MYO7B: variants seen among roughly 807,000 people sequenced by gnomAD.
MYO7B encodes myosin VIIB.
A neutral mutation model predicts 259.7 loss-of-function variants in MYO7B; 212 were observed. That is an observed-to-expected ratio of 0.82 (90% CI 0.73 to 0.91). The LOEUF (loss-of-function observed/expected upper bound fraction) is 0.91, where lower values mean the gene tolerates loss of function less well. Ranked by LOEUF, MYO7B falls within the 40% of genes least tolerant of loss-of-function variation. The pLI is 0.00. For synonymous variants in MYO7B, 1,197 were observed against 1,166.4 expected (o/e 1.03, Z -0.54); for missense variants, 2,732 against 2,813.5 (o/e 0.97, Z 0.66).
chr2:127,627,271 A>G lies in MYO7B; in HGVS notation c.4421A>G (p.Glu1474Gly), dbSNP rs780342415. 1.2e-6 allele frequency: 2 copies of G among 1,612,820 alleles called. No individual in the cohort carries two copies. The highest frequency in any genetic ancestry group is 1.7e-5 in the Admixed American group (1 of 59,920). The change falls in exon 33 of 48, where the codon GAA becomes GGA. Residue 1474 changes from glutamate to glycine, a missense_variant. Around this residue, in one of 3 missense-constraint regions of MYO7B, gnomAD observed 1,906 missense variants for 2,026.4 expected, o/e 0.94. Coordinates refer to ENST00000409816, the MANE Select transcript of MYO7B (RefSeq NM_001393586.1). This position sits in a 1 kb window ranked among gnomAD's most constrained non-coding sequence, Gnocchi z 5.6. ...FLDQQEKMLLELSFPEVMGLA... is the reference protein window; with the variant it reads ...FLDQQEKMLLGLSFPEVMGLA... ...GACCAGCAGGAGAAGATGCTGCTGGAACTCTCTTTCCCAGAGGTCATGGGT... is the reference window on the plus strand; with the variant it reads ...GACCAGCAGGAGAAGATGCTGCTGGGACTCTCTTTCCCAGAGGTCATGGGT...
At chr2:127,593,513 C>T in intron 17 of MYO7B, 33 bp from the exon 18 acceptor site, 2 of 1,600,348 alleles carry the variant, frequency 1.2e-6, no homozygotes, top group Non-Finnish European at 1.7e-6. Flanking sequence ...CTCTGCCCCA[C>T]CTCCCACCGA....
rs1252097316 is a variant in MYO7B at position 127,539,319 on chromosome 2, A to T, written c.-24+3488A>T. On this transcript the variant is annotated intron_variant, in intron 1 of 47. Transcript: ENST00000409816. The surrounding 1 kb of genome is among the most constrained non-coding windows in gnomAD (Gnocchi z 4.0). ...TAGTAAACAAAATGTACATCAGAAA[A>T]TCCCATATATTTGCTAGGCATAGAC... is the stretch of plus-strand genomic sequence containing the variant. Among the ~76,000 whole-genome samples, 1 of 152,220 alleles carries T rather than the reference A, an allele frequency of 6.6e-6. No homozygotes were observed. The highest frequency in any genetic ancestry group is 2.4e-5 in the African/African-American group (1 of 41,440).
chr2:127,612,750 T>A, intron 26 of MYO7B, 147 bp downstream of exon 26: 1 of 1,300,452 alleles, frequency 7.7e-7, no homozygotes, highest in Non-Finnish European at 1.0e-6. Context: ...GCAGATGTCA[T>A]AGCTACCGAG....
intron 14 of MYO7B, among the ~76,000 whole-genome samples, chr2:127,588,186 G>C (rs1469642717): frequency 6.6e-6 from 1 of 152,144 alleles, no homozygotes; most frequent in Non-Finnish European, 1.5e-5. Context: ...GGGGGGTCCA[G>C]AGTTTAGACA....
At chr2:127,543,805 C>T (rs990826927) in intron 1 of MYO7B, among the ~76,000 whole-genome samples, 5 of 150,508 alleles carry the variant, frequency 3.3e-5, no homozygotes, top group African/African-American at 7.3e-5. Flanking sequence ...AGTGCAGTGG[C>T]GCGATCTTGC....
At chr2:127,617,614 T>C (rs1055604871) in intron 26 of MYO7B, among the ~76,000 whole-genome samples, 36 of 146,288 alleles carry the variant, frequency 2.5e-4, no homozygotes, top group Non-Finnish European at 4.9e-4. Context: ...GCCATTCTCC[T>C]GCCTCAGCCT....
In MYO7B at chr2:127,607,992, A is replaced by G. The variant is rs896697648; in HGVS notation, c.2643+568A>G. On this transcript the variant is annotated intron_variant, in intron 21 of 47. Transcript: ENST00000409816. This position sits in a 1 kb window ranked among gnomAD's most constrained non-coding sequence, Gnocchi z 4.4. Reference sequence around the variant, plus strand: ...CAGCTCAGGGGACAGAGAAATATTAATACCAAGGGGAGCTGCTGAGTGTCT... The same window carrying G: ...CAGCTCAGGGGACAGAGAAATATTAGTACCAAGGGGAGCTGCTGAGTGTCT... Among the ~76,000 whole-genome samples, 20 of 152,140 alleles carry G rather than the reference A, an allele frequency of 1.3e-4. 1 individual carries two copies. Among genetic ancestry groups the G allele is most frequent in the African/African-American group, 4.8e-4 (20 of 41,424 alleles).
chr2:127,565,136 G>T (rs1277524254), intron 3 of MYO7B, 97 bp from the exon 4 acceptor site: 35 of 1,466,822 alleles, frequency 2.4e-5, no homozygotes, highest in Non-Finnish European at 3.1e-5. Context: ...TGACCCGGAA[G>T]GTCACCTTGC....
At chr2:127,581,012 CAG>C (rs1186868919) in intron 10 of MYO7B, among the ~76,000 whole-genome samples, 190 bp downstream of exon 10, 2 of 152,230 alleles carry the variant, frequency 1.3e-5, no homozygotes, top group Non-Finnish European at 2.9e-5. Flanking sequence ...CAGTGCCAAA[CAG>C]AGCGGCGGAA....
rs115516718 is a variant in MYO7B at position 127,566,753 on chromosome 2, G to A, written c.396G>A (p.Pro132=). 1,081 of 1,612,738 alleles carry A rather than the reference G, an allele frequency of 6.7e-4. 9 individuals carry two copies. The African/African-American group carries it at 0.012, about 18-fold the overall frequency. The change falls in exon 5 of 48, where the codon CCG becomes CCA. Residue 132 remains proline (P), a synonymous_variant. Coordinates refer to ENST00000409816, the MANE Select transcript of MYO7B (RefSeq NM_001393586.1). Reference sequence around the variant, plus strand: ...GCCGCCATATGGGCGAGCTGCCCCCGCATGTCTTTGCCATCGCCAACAACT... The same window carrying A: ...GCCGCCATATGGGCGAGCTGCCCCCACATGTCTTTGCCATCGCCAACAACT... ...YYSRHMGELP[P]HVFAIANNCY... is the part of the protein sequence containing the mutation.
In MYO7B at chr2:127,632,243, C is replaced by T. The variant is rs1353067363; in HGVS notation, c.5250-3C>T. 5 of 1,611,442 alleles carry T rather than the reference C, an allele frequency of 3.1e-6. No homozygotes were observed. The highest frequency in any genetic ancestry group is 4.2e-6 in the Non-Finnish European group (5 of 1,179,342). On this transcript the variant is annotated splice_polypyrimidine_tract_variant and splice_region_variant and intron_variant, in intron 38 of 47. Coordinates refer to ENST00000409816, the MANE Select transcript of MYO7B (RefSeq NM_001393586.1). ...TTCCCGGCTGACAAGTGCTACCCTT[C>T]AGGCACAGCGAAGAGCGGGGCTGGC... is the stretch of plus-strand genomic sequence containing the variant.
rs1293537857 is a variant in MYO7B, at chr2:127,607,271, G to C, written c.2490G>C (p.Gln830His). ...GCCAGCCGCTGGCGAGGCAGTACCA[G>C]GCCATGCGGCAGAGGACAGTCCAGC... Reference protein sequence around the residue: ...ARSQPLARQYQAMRQRTVQLQ... With the variant: ...ARSQPLARQYHAMRQRTVQLQ... Residue 830 changes from glutamine (Q) to histidine (H), a missense_variant, in exon 21 of 48, where the codon CAG becomes CAC. Transcript: ENST00000409816. The surrounding 1 kb of genome is among the most constrained non-coding windows in gnomAD (Gnocchi z 4.4). 6 of 1,551,302 alleles carry C rather than the reference G, an allele frequency of 3.9e-6. No homozygotes were observed. Among genetic ancestry groups the C allele is most frequent in the Admixed American group, 2.0e-5 (1 of 51,044 alleles).
chr2:127,564,316 G>A (rs1424920046), intron 3 of MYO7B, 50 bp downstream of exon 3: 27 of 1,446,132 alleles, frequency 1.9e-5, no homozygotes, highest in Non-Finnish European at 2.4e-5. Context: ...TCACATCCAG[G>A]GCCCTGGAGC....
In MYO7B at chr2:127,632,368, C is replaced by T; in HGVS notation, c.5372C>T (p.Pro1791Leu). 1 of 1,583,402 alleles carries T rather than the reference C, an allele frequency of 6.3e-7. No individual in the cohort carries two copies. Among genetic ancestry groups the T allele is most frequent in the Admixed American group, 1.8e-5 (1 of 56,436 alleles). ...ACTCGGAGGGGGAAGCTGCTGGCCC[C>T]CGACTGCAGCCGCCGAATCCAGAAG... is the stretch of plus-strand genomic sequence containing the variant. ...IDTRRGKLLA[P>L]DCSRRIQKVL... The change falls in exon 39 of 48, where the codon CCC (proline) becomes CTC (leucine). Residue 1791 changes from proline (P) to leucine (L), a missense_variant. Coordinates refer to ENST00000409816, the MANE Select transcript of MYO7B (RefSeq NM_001393586.1).
rs576150120 is a variant in MYO7B at position 127,576,415 on chromosome 2, G to A, written c.736-180G>A. On this transcript the variant is annotated intron_variant, in intron 7 of 47. Transcript: ENST00000409816. The surrounding 1 kb of genome is among the most constrained non-coding windows in gnomAD (Gnocchi z 4.9). ...CTCAGGGCAGGGATGAGACAGCCGC[G>A]GAGGCCCGGGACAGGGACAGCAACC... Among the ~76,000 whole-genome samples the A allele has an allele frequency of 8.5e-5, 13 of 152,252 alleles. No individual in the cohort carries two copies. The highest frequency in any genetic ancestry group is 4.6e-4 in the Admixed American group (7 of 15,292).
At chr2:127,593,721 G>A in intron 18 of MYO7B, 77 bp downstream of exon 18, 1 of 1,304,304 alleles carries the variant, frequency 7.7e-7, no homozygotes, top group Non-Finnish European at 1.1e-6. Context: ...CAGGCCCGGG[G>A]TCCATGGTCC....
intron 1 of MYO7B, among the ~76,000 whole-genome samples, chr2:127,540,243 A>G (rs1692952290): frequency 6.6e-6 from 1 of 150,870 alleles, no homozygotes; most frequent in Non-Finnish European, 1.5e-5. Context: ...GGCTCACTGC[A>G]ATCTCCGCCT....
In MYO7B at chr2:127,637,299, C is replaced by G. The variant is rs771650629; in HGVS notation, c.6328-17C>G. ...CCTCTGCACCCACAGCCTCTGACCCCCCCGTCCCCTGTCCAGGGCTATAAG... is the reference window on the plus strand; with the variant it reads ...CCTCTGCACCCACAGCCTCTGACCCGCCCGTCCCCTGTCCAGGGCTATAAG... On this transcript the variant is annotated splice_polypyrimidine_tract_variant and intron_variant, in intron 47 of 47. Transcript: ENST00000409816. 6.7e-7 allele frequency: 1 copy of G among 1,492,160 alleles called. No homozygotes were observed. The highest frequency in any genetic ancestry group is 8.9e-7 in the Non-Finnish European group (1 of 1,128,276). 92.4% of individuals were successfully genotyped at this position (1,492,160 alleles called of 1,614,324 possible).
intron 19 of MYO7B, among the ~76,000 whole-genome samples, chr2:127,603,929 C>T (rs528232897): frequency 2.9e-4 from 44 of 152,214 alleles, no homozygotes; most frequent in African/African-American, 1.0e-3. Context: ...GTCAGCAGTT[C>T]GAGACCAGCC....
Sources: gnomAD v4.1 joint callset for allele counts (sites outside exome capture counted in the v4.1 genomes callset) on GRCh38, gnomAD v4.1.1 for gene constraint, gnomAD v4.1.1 regional missense constraint, Gnocchi (gnomAD v3.1) non-coding constraint, MANE v1.5 for transcripts, NCBI Gene and HGNC (gene_info 2026-07-23, HGNC 2026-07-21) for gene names.